The following ERC1 variants were observed in gnomAD, a reference collection of about 807,000 sequenced individuals.
ERC1 encodes ELKS/RAB6-interacting/CAST family member 1.
ERC1 carries 56 observed loss-of-function variants against 132.0 expected under a neutral mutation model. The observed-to-expected ratio is 0.42, with a 90% CI of 0.34 to 0.53. The LOEUF (loss-of-function observed/expected upper bound fraction) is 0.53, where lower values mean the gene tolerates loss of function less well. Among genes scored for constraint, ERC1 ranks in the 20% least tolerant of loss-of-function variants. ERC1 has a pLI of 0.03. For synonymous variants in ERC1, 478 were observed against 476.1 expected (o/e 1.00, Z -0.05); for missense variants, 1,202 against 1,349.9 (o/e 0.89, Z 1.72).
chr12:1,438,531 A>G (rs1057437145), intron 17 of ERC1, among the ~76,000 whole-genome samples: 1 of 152,240 alleles, frequency 6.6e-6, no homozygotes, highest in Admixed American at 6.5e-5. Context: ...TAAAAAGAAC[A>G]AAAAGATTTT....
chr12:1,061,425 G>A (rs989593825), intron 2 of ERC1, among the ~76,000 whole-genome samples: 1 of 108,274 alleles, frequency 9.2e-6, no homozygotes, highest in Non-Finnish European at 1.8e-5. Context: ...GTGAAACCCT[G>A]TCTCTACTAT....
In ERC1 at chr12:1,400,953, T is replaced by TTTTTTTTTTTG. The variant is rs1477365626; in HGVS notation, c.2926-7196_2926-7195insTTTTTTTTTTG. On this transcript the variant is annotated intron_variant, in intron 16 of 18. Coordinates refer to ENST00000360905, the MANE Select transcript of ERC1 (RefSeq NM_178040.4). ...TTTTTTTTTTTTTTTTTTTTTTTTT[T>TTTTTTTTTTTG]GTGACGGAGTCTTGCTCTATCGCCC... 5.5e-5 allele frequency among the ~76,000 whole-genome samples: 5 copies of TTTTTTTTTTTG among 90,266 alleles called. 1 individual carries two copies. The highest frequency in any genetic ancestry group is 7.9e-5 in the African/African-American group (2 of 25,462). The allele number at this position is 90,266 out of a possible 152,430, so 59.2% of individuals were successfully genotyped here.
chr12:1,151,880 A>T (rs920341326), intron 8 of ERC1: 3 of 152,220 alleles, frequency 2.0e-5, no homozygotes, highest in African/African-American at 7.2e-5. Flanking sequence ...AATGTACATC[A>T]CTGGATTGAT....
intron 18 of ERC1, among the ~76,000 whole-genome samples, chr12:1,470,285 A>G (rs930708649): frequency 3.3e-5 from 5 of 151,572 alleles, no homozygotes. Flanking sequence ...CTGGGGGGAA[A>G]CTTCCTTCTC....
intron 13 of ERC1, among the ~76,000 whole-genome samples, chr12:1,253,913 T>C (rs1424292107): frequency 6.6e-6 from 1 of 152,190 alleles, no homozygotes; most frequent in African/African-American, 2.4e-5. Context: ...TTTAAGGAGA[T>C]GAGGGATTCT....
chr12:1,479,401 C>T (rs1483462368), intron 18 of ERC1, among the ~76,000 whole-genome samples: 1 of 152,142 alleles, frequency 6.6e-6, no homozygotes, highest in African/African-American at 2.4e-5. Flanking sequence ...GGCTTCCAAT[C>T]CTTAATCATG....
At chr12:1,251,690 T>C (rs143273168) in intron 13 of ERC1, among the ~76,000 whole-genome samples, 227 of 152,292 alleles carry the variant, frequency 1.5e-3, no homozygotes, top group African/African-American at 5.1e-3. Flanking sequence ...GGCTTAACAT[T>C]ACTTTTTAAA....
intron 15 of ERC1, among the ~76,000 whole-genome samples, chr12:1,367,746 T>C (rs901975775): frequency 6.6e-6 from 1 of 152,076 alleles, no homozygotes; most frequent in African/African-American, 2.4e-5. Flanking sequence ...TTTAGGGACA[T>C]CTTGATTCTA....
At chr12:1,165,877 ATGT>A (rs1368736643) in intron 8 of ERC1, among the ~76,000 whole-genome samples, 5 of 152,020 alleles carry the variant, frequency 3.3e-5, no homozygotes, top group Non-Finnish European at 7.4e-5. Context: ...AATATTTACA[ATGT>A]TGTGCAACCA....
rs549905943 is a variant in ERC1 at position 1,167,468 on chromosome 12, C to G, written c.1738-13072C>G. Among the ~76,000 whole-genome samples the G allele has an allele frequency of 3.9e-5, 6 of 152,318 alleles. No homozygotes were observed. The South Asian group carries it at 1.2e-3, about 32-fold the overall frequency. On this transcript the variant is annotated intron_variant, in intron 8 of 18. Coordinates refer to ENST00000360905, the MANE Select transcript of ERC1 (RefSeq NM_178040.4). ...GTTATTAAATCAGACTCTGATGAAGCAGCCTTTTATGCTCTTCCTTTTTCC... is the reference window on the plus strand; with the variant it reads ...GTTATTAAATCAGACTCTGATGAAGGAGCCTTTTATGCTCTTCCTTTTTCC...
At chr12:1,392,804 G>A (rs2090087417) in intron 16 of ERC1, among the ~76,000 whole-genome samples, 1 of 152,058 alleles carries the variant, frequency 6.6e-6, no homozygotes, top group Non-Finnish European at 1.5e-5. Context: ...AATAAATGGT[G>A]GTTTTCTGTT....
At chr12:1,458,214 C>G (rs1298889503) in intron 18 of ERC1, among the ~76,000 whole-genome samples, 1 of 152,174 alleles carries the variant, frequency 6.6e-6, no homozygotes, top group Non-Finnish European at 1.5e-5. Flanking sequence ...GAGGATTCAG[C>G]TAGCATGAGT....
chr12:1,252,891 C>T (rs2076555166), intron 13 of ERC1, among the ~76,000 whole-genome samples: 1 of 152,204 alleles, frequency 6.6e-6, no homozygotes, highest in Middle Eastern at 3.4e-3. Flanking sequence ...TTAATGAAAT[C>T]TTCTGGATGT....
At chr12:1,283,974 A>G (rs2078868076) in intron 14 of ERC1, among the ~76,000 whole-genome samples, 1 of 152,100 alleles carries the variant, frequency 6.6e-6, no homozygotes, top group South Asian at 2.1e-4. Context: ...TAGTCTCCCT[A>G]CTGTGCTATT....
At chr12:1,190,400 A>G (rs1220491825) in intron 12 of ERC1, among the ~76,000 whole-genome samples, 1 of 152,240 alleles carries the variant, frequency 6.6e-6, no homozygotes, top group Non-Finnish European at 1.5e-5. Context: ...ATGATCCTCA[A>G]GCAAAGGAGT....
At chr12:1,306,376 G>GA (rs1364826816) in intron 15 of ERC1, among the ~76,000 whole-genome samples, 4 of 152,220 alleles carry the variant, frequency 2.6e-5, no homozygotes, top group African/African-American at 9.6e-5. Context: ...TACTGAAGTA[G>GA]AAAATTGGAG....
chr12:1,095,946 T>G (rs1943969174), intron 3 of ERC1, among the ~76,000 whole-genome samples: 1 of 151,544 alleles, frequency 6.6e-6, no homozygotes, highest in Non-Finnish European at 1.5e-5. Flanking sequence ...TTTTTTTTTT[T>G]TTGAGATAGG....
chr12:1,465,299 C>T (rs190637165), intron 18 of ERC1, among the ~76,000 whole-genome samples: 35 of 152,288 alleles, frequency 2.3e-4, no homozygotes, highest in Admixed American at 2.2e-3. Context: ...TCTTCCGGTC[C>T]GGTCAGAGCA....
rs896825718 is a variant in ERC1 at position 1,061,989 on chromosome 12, C to CTT, written c.670-21157_670-21156dup. Among the ~76,000 whole-genome samples the CTT allele has an allele frequency of 3.9e-3, 458 of 117,400 alleles. 15 individuals carry two copies. The highest frequency in any genetic ancestry group is 0.013 in the African/African-American group (365 of 27,646). 77.0% of individuals were successfully genotyped at this position (117,400 alleles called of 152,430 possible). A position where few individuals can be genotyped will look rare whatever the true frequency, so the allele number is the denominator to read the frequency against. ...TTGTGTTTTTTTTTCTTCTTTTCTTCTTTTTTTTTTTTTTTTTTTGAGACG... is the reference window on the plus strand; with the variant it reads ...TTGTGTTTTTTTTTCTTCTTTTCTTCTTTTTTTTTTTTTTTTTTTTTGAGACG... On this transcript the variant is annotated intron_variant, in intron 2 of 18. Coordinates refer to ENST00000360905, the MANE Select transcript of ERC1 (RefSeq NM_178040.4).
Sources: allele counts gnomAD v4.1 joint callset (sites outside exome capture counted in the v4.1 genomes callset), GRCh38; gene constraint gnomAD v4.1.1; transcripts MANE v1.5; gene names NCBI Gene and HGNC (gene_info 2026-07-23, HGNC 2026-07-21).